The following ERI3 variants were observed in gnomAD, a reference collection of about 807,000 sequenced individuals.
The protein encoded by ERI3 is ERI1 exoribonuclease family member 3.
In ERI3, 18 loss-of-function variants were observed where a neutral mutation model predicts 44.4. That is an observed-to-expected ratio of 0.41 (90% CI 0.28 to 0.60). The LOEUF is 0.60. Among genes scored for constraint, ERI3 ranks in the 20% least tolerant of loss-of-function variants. The pLI, the probability that ERI3 is intolerant of heterozygous loss-of-function variation, is 0.36. For synonymous variants in ERI3, 183 were observed against 164.8 expected, an observed-to-expected ratio of 1.11 and a Z score of -0.84; for missense variants, 294 against 435.5, an observed-to-expected ratio of 0.68 and a Z score of 2.89.
intron 2 of ERI3, among the ~76,000 whole-genome samples, chr1:44,352,405 CATAGATAG>C (rs71742610): frequency 0.26 from 37,574 of 147,272 alleles, 5,008 homozygotes; most frequent in East Asian, 0.38. Flanking sequence ...AGCAAGGTCT[CATAGATAG>C]ATAGATAGAT....
At chr1:44,347,641 G>C (rs1646810583) in intron 2 of ERI3, among the ~76,000 whole-genome samples, 1 of 152,116 alleles carries the variant, frequency 6.6e-6, no homozygotes, top group Admixed American at 6.5e-5. Flanking sequence ...CAGTGGCACA[G>C]TTTATTCCTA....
At chr1:44,271,801 G>A (rs561906952) in intron 7 of ERI3, among the ~76,000 whole-genome samples, 129 of 152,346 alleles carry the variant, frequency 8.5e-4, no homozygotes, top group Non-Finnish European at 1.6e-3. Context: ...ATTGACCTAA[G>A]GTGAATGTGC....
At chr1:44,234,143 C>A (rs1006434498) in intron 8 of ERI3, among the ~76,000 whole-genome samples, 2 of 152,120 alleles carry the variant, frequency 1.3e-5, no homozygotes, top group Non-Finnish European at 2.9e-5. Context: ...ACTCTCTCTC[C>A]GTGGGCAAAC....
intron 8 of ERI3, among the ~76,000 whole-genome samples, chr1:44,237,235 C>T (rs1354063465): frequency 6.6e-6 from 1 of 152,202 alleles, no homozygotes; most frequent in Non-Finnish European, 1.5e-5. Context: ...CTCACTTCAC[C>T]TCCCACAAAG....
At chr1:44,309,326 C>G (rs193292550) in intron 5 of ERI3, among the ~76,000 whole-genome samples, 2 of 151,640 alleles carry the variant, frequency 1.3e-5, no homozygotes, top group African/African-American at 4.8e-5. Flanking sequence ...AAAACCCTAT[C>G]CATACTAAAA....
intron 8 of ERI3, chr1:44,243,541 G>A (rs1476126996): frequency 6.6e-6 from 1 of 152,248 alleles, no homozygotes; most frequent in Non-Finnish European, 1.5e-5. Context: ...CACTCATACT[G>A]GGAGGGCCAG....
intron 6 of ERI3, among the ~76,000 whole-genome samples, chr1:44,304,726 G>A (rs1433036234): frequency 6.6e-6 from 1 of 152,194 alleles, no homozygotes; most frequent in East Asian, 1.9e-4. Context: ...CCTGCTGAGT[G>A]CATGCTCCCC....
intron 3 of ERI3, among the ~76,000 whole-genome samples, chr1:44,336,606 C>T (rs538574058): frequency 6.6e-6 from 1 of 152,326 alleles, no homozygotes; most frequent in South Asian, 2.1e-4. Flanking sequence ...TAAGTTATTA[C>T]TCAGTGCCCC....
intron 6 of ERI3, among the ~76,000 whole-genome samples, chr1:44,291,553 C>T (rs573106323): frequency 1.3e-5 from 2 of 152,256 alleles, no homozygotes; most frequent in African/African-American, 4.8e-5. Flanking sequence ...CTGCAGAAGC[C>T]TACAGGATAG....
At chr1:44,263,453 T>C (rs1045133863) in intron 7 of ERI3, among the ~76,000 whole-genome samples, 4 of 152,244 alleles carry the variant, frequency 2.6e-5, no homozygotes, top group Non-Finnish European at 5.9e-5. Context: ...AAACTTGGAA[T>C]GGATCTCTGG....
At chr1:44,354,447 C>G in intron 1 of ERI3, 11 of 985,426 alleles carry the variant, frequency 1.1e-5, no homozygotes, top group Non-Finnish European at 1.3e-5. Flanking sequence ...AAGAAAACAC[C>G]TGTTGCTGGA....
intron 7 of ERI3, among the ~76,000 whole-genome samples, chr1:44,270,349 G>C (rs1186438803): frequency 6.6e-6 from 1 of 152,190 alleles, no homozygotes; most frequent in Non-Finnish European, 1.5e-5. Context: ...TGTGGATTAA[G>C]AGAAGCGGCT....
chr1:44,330,760 G>T (rs929077175), intron 3 of ERI3, among the ~76,000 whole-genome samples: 4 of 152,112 alleles, frequency 2.6e-5, no homozygotes, highest in African/African-American at 4.8e-5. Flanking sequence ...GAATGTGGGG[G>T]TTTTTTAAGT....
At chr1:44,239,039 C>A (rs111617801) in intron 8 of ERI3, among the ~76,000 whole-genome samples, 6,690 of 151,236 alleles carry the variant, frequency 0.044, 161 homozygotes, top group African/African-American at 0.062. Context: ...CCTCCCCCCC[C>A]CAATCCAGCT....
chr1:44,341,978 C>T (rs960111037), intron 2 of ERI3, among the ~76,000 whole-genome samples: 1 of 152,188 alleles, frequency 6.6e-6, no homozygotes, highest in African/African-American at 2.4e-5. Flanking sequence ...CTCCACATAT[C>T]AGCAGTTACT....
rs71742610 is a variant in ERI3 at position 44,352,405 on chromosome 1, CATAGATAGATAGATAGATAG to C, written c.211+425_211+444del. 9.0e-3 allele frequency among the ~76,000 whole-genome samples: 1,331 copies of C among 147,562 alleles called. 10 individuals carry two copies. Among genetic ancestry groups the C allele is most frequent in the Non-Finnish European group, 0.014 (928 of 67,112 alleles). On this transcript the variant is annotated intron_variant, in intron 2 of 8. Coordinates refer to ENST00000372257, the MANE Select transcript of ERI3 (RefSeq NM_024066.3). ...CAGCATGGGCAACCTAGCAAGGTCT[CATAGATAGATAGATAGATAG>C]ATAGATAGATAGATAGATAGATAGA... is the stretch of plus-strand genomic sequence containing the variant.
rs888356185 is a variant in ERI3 at position 44,341,311 on chromosome 1, C to A, written c.212-1989G>T. Among the ~76,000 whole-genome samples the A allele has an allele frequency of 2.0e-5, 3 of 152,216 alleles. No homozygotes were observed. The East Asian group carries it at 5.8e-4, about 29-fold the overall frequency. ...AAAATGAGACAACACATGTAAAGCA[C>A]TAAGACCAGTGCCTGGCATATAACA... On this transcript the variant is annotated intron_variant, in intron 2 of 8. Coordinates refer to ENST00000372257, the MANE Select transcript of ERI3 (RefSeq NM_024066.3).
intron 6 of ERI3, among the ~76,000 whole-genome samples, chr1:44,289,202 A>T (rs939712394): frequency 1.3e-5 from 2 of 152,204 alleles, no homozygotes; most frequent in Admixed American, 1.3e-4. Flanking sequence ...ATTTTTTTCA[A>T]CCAAATCAAA....
chr1:44,346,177 C>T (rs1178570767), intron 2 of ERI3, among the ~76,000 whole-genome samples: 1 of 152,246 alleles, frequency 6.6e-6, no homozygotes. Context: ...CCTGTAGCTA[C>T]AGCTGCTTCT....
Sources: allele counts gnomAD v4.1 joint callset (sites outside exome capture counted in the v4.1 genomes callset), GRCh38; gene constraint gnomAD v4.1.1; transcripts MANE v1.5; gene names NCBI Gene and HGNC (gene_info 2026-07-23, HGNC 2026-07-21).